Variants in KIF26B observed in about 807,000 individuals in gnomAD.
KIF26B encodes kinesin family member 26B.
In KIF26B, 63 loss-of-function variants were observed where a neutral mutation model predicts 151.2. The ratio of observed to expected loss-of-function variants is 0.42; its 90% confidence interval spans 0.34 to 0.51. The LOEUF is 0.51. Among genes scored for constraint, KIF26B ranks in the 20% least tolerant of loss-of-function variants. The pLI, the probability that KIF26B is intolerant of heterozygous loss-of-function variation, is 0.07. For synonymous variants in KIF26B, 1,357 were observed against 1,262.1 expected (o/e 1.08, Z -1.59); for missense variants, 2,813 against 2,913.6 (o/e 0.97, Z 0.79).
chr1:245,649,454 C>T (rs1276509022), intron 10 of KIF26B, among the ~76,000 whole-genome samples: 1 of 152,186 alleles, frequency 6.6e-6, no homozygotes, highest in East Asian at 1.9e-4. Flanking sequence ...CAGGAAAGCC[C>T]CGATTTCTTT....
At chr1:245,294,724 A>G (rs1671308901) in intron 2 of KIF26B, among the ~76,000 whole-genome samples, 1 of 152,050 alleles carries the variant, frequency 6.6e-6, no homozygotes, top group Non-Finnish European at 1.5e-5. Flanking sequence ...GTGCAGGGGC[A>G]TGATCTCGGC....
In KIF26B at chr1:245,180,828, G is replaced by A. The variant is rs576984760; in HGVS notation, c.465+24145G>A. 1.9e-4 allele frequency among the ~76,000 whole-genome samples: 29 copies of A among 152,270 alleles called. No individual in the cohort carries two copies. In the South Asian group the frequency reaches 5.8e-3, roughly 30 times the overall value. ...GGTCCTTCTAGAGTCACTGCTGCAGGATTCTTTTTGTTTTTTTCTTTTTTA... is the reference window on the plus strand; with the variant it reads ...GGTCCTTCTAGAGTCACTGCTGCAGAATTCTTTTTGTTTTTTTCTTTTTTA... On this transcript the variant is annotated intron_variant, in intron 2 of 14. Coordinates refer to ENST00000407071, the MANE Select transcript of KIF26B (RefSeq NM_018012.4).
chr1:245,505,294 G>T (rs1446253121), intron 4 of KIF26B, among the ~76,000 whole-genome samples: 1 of 151,666 alleles, frequency 6.6e-6, no homozygotes, highest in Non-Finnish European at 1.5e-5. Context: ...GACTATTCCA[G>T]ATAGTGTCAG....
chr1:245,616,706 C>G (rs553429650), intron 9 of KIF26B, among the ~76,000 whole-genome samples: 1 of 152,304 alleles, frequency 6.6e-6, no homozygotes, highest in South Asian at 2.1e-4. Context: ...CTTGTGGCAT[C>G]ATATTGGCCT....
intron 10 of KIF26B, among the ~76,000 whole-genome samples, chr1:245,647,209 A>T (rs1055028473): frequency 6.6e-6 from 1 of 152,112 alleles, no homozygotes; most frequent in Admixed American, 6.5e-5. Context: ...GTGGATCACA[A>T]GGTCAGGAGA....
intron 4 of KIF26B, among the ~76,000 whole-genome samples, chr1:245,459,034 A>T (rs1464800255): frequency 6.6e-6 from 1 of 152,216 alleles, no homozygotes; most frequent in Non-Finnish European, 1.5e-5. Flanking sequence ...GCATGTCATG[A>T]GTCAGGCTTA....
intron 2 of KIF26B, among the ~76,000 whole-genome samples, chr1:245,285,384 C>T (rs114633781): frequency 0.012 from 1,885 of 152,236 alleles, 37 homozygotes; most frequent in African/African-American, 0.043. Context: ...CATATTCTGC[C>T]TCTAGTGGAA....
intron 14 of KIF26B, among the ~76,000 whole-genome samples, chr1:245,700,227 G>C (rs571932886): frequency 2.0e-5 from 3 of 152,140 alleles, no homozygotes; most frequent in Non-Finnish European, 2.9e-5. Context: ...TCTGAGCCTT[G>C]ACTTCCTTAG....
chr1:245,156,054 G>A (rs1206295424), intron 1 of KIF26B, among the ~76,000 whole-genome samples: 1 of 152,188 alleles, frequency 6.6e-6, no homozygotes, highest in Non-Finnish European at 1.5e-5. Context: ...CTGACCCCAG[G>A]AGGAGGCCAC....
rs946321243 is a variant in KIF26B at position 245,602,926 on chromosome 1, C to T, written c.1557+143C>T. ...CTTCAGGAGTCAATCTGAGCTCCAC[C>T]GAATGGTCCAGTGCTTTTGAATTAC... On this transcript the variant is annotated intron_variant, in intron 6 of 14. Transcript: ENST00000407071. The surrounding 1 kb of genome is among the most constrained non-coding windows in gnomAD (Gnocchi z 4.5). The T allele has an allele frequency of 1.2e-5, 9 of 743,184 alleles. No individual in the cohort carries two copies. The highest frequency in any genetic ancestry group is 1.7e-5 in the African/African-American group (1 of 57,476). The allele number at this position is 743,184 out of a possible 1,614,324, so 46.0% of individuals were successfully genotyped here. A position where few individuals can be genotyped will look rare whatever the true frequency, so the allele number is the denominator to read the frequency against.
intron 2 of KIF26B, among the ~76,000 whole-genome samples, chr1:245,225,192 G>T (rs1669849737): frequency 6.6e-6 from 1 of 152,218 alleles, no homozygotes; most frequent in Admixed American, 6.5e-5. Context: ...ATACCCACAG[G>T]ACTTGAGGTG....
At chr1:245,323,198 G>C (rs1671920833) in intron 2 of KIF26B, among the ~76,000 whole-genome samples, 1 of 152,184 alleles carries the variant, frequency 6.6e-6, no homozygotes, top group Non-Finnish European at 1.5e-5. Context: ...GCATGGATTT[G>C]TGTAGATATG....
At chr1:245,507,202 T>C (rs926022609) in intron 4 of KIF26B, among the ~76,000 whole-genome samples, 2 of 152,134 alleles carry the variant, frequency 1.3e-5, no homozygotes, top group Non-Finnish European at 1.5e-5. Flanking sequence ...TATGTGGAGA[T>C]TGCTGGTAAT....
intron 3 of KIF26B, among the ~76,000 whole-genome samples, chr1:245,369,816 T>C (rs1673066631): frequency 6.6e-6 from 1 of 152,174 alleles, no homozygotes; most frequent in South Asian, 2.1e-4. Flanking sequence ...AAAGAACTCG[T>C]TTTACCTGCA....
At chr1:245,556,272 C>T (rs1326727710) in intron 5 of KIF26B, among the ~76,000 whole-genome samples, 9 of 72,090 alleles carry the variant, frequency 1.2e-4, no homozygotes, top group African/African-American at 2.2e-4. Flanking sequence ...CCTCCTCCTC[C>T]TCTTCTTCTT....
chr1:245,212,810 G>A (rs534747426), intron 2 of KIF26B, among the ~76,000 whole-genome samples: 3 of 152,308 alleles, frequency 2.0e-5, no homozygotes, highest in South Asian at 2.1e-4. Context: ...GTAGAGTCCC[G>A]TCCACTTAAG....
chr1:245,240,645 GCT>G (rs1317947657), intron 2 of KIF26B, among the ~76,000 whole-genome samples: 1 of 152,190 alleles, frequency 6.6e-6, no homozygotes, highest in Admixed American at 6.5e-5. Flanking sequence ...TTTACCAAAA[GCT>G]CTGTTAGGGC....
chr1:245,621,958 G>A lies in KIF26B; in HGVS notation c.2098+9982G>A, dbSNP rs72762897. Among the ~76,000 whole-genome samples, 631 of 152,290 alleles carry A rather than the reference G, an allele frequency of 4.1e-3. 2 individuals carry two copies. The highest frequency in any genetic ancestry group is 7.3e-3 in the Non-Finnish European group (498 of 68,026). On this transcript the variant is annotated intron_variant, in intron 9 of 14. Coordinates refer to ENST00000407071, the MANE Select transcript of KIF26B (RefSeq NM_018012.4). ...TCTAAACTGTGCCTTTTGTTCTTGT[G>A]TTCTGTTTTACTACATGTACATTAT...
chr1:245,250,771 T>C (rs1476067717), intron 2 of KIF26B, among the ~76,000 whole-genome samples: 1 of 152,244 alleles, frequency 6.6e-6, no homozygotes, highest in East Asian at 1.9e-4. Context: ...TCTCATTGTA[T>C]TGTCTTATTT....
Sources: allele counts gnomAD v4.1 joint callset (sites outside exome capture counted in the v4.1 genomes callset), GRCh38; gene constraint gnomAD v4.1.1; non-coding constraint Gnocchi (gnomAD v3.1); transcripts MANE v1.5; gene names NCBI Gene and HGNC (gene_info 2026-07-23, HGNC 2026-07-21).